The following DGKI variants were observed in gnomAD, a reference collection of about 807,000 sequenced individuals.
DGKI encodes diacylglycerol kinase iota, also known as DAG kinase iota.
DGKI carries 55 observed loss-of-function variants against 147.5 expected under a neutral mutation model. The ratio of observed to expected loss-of-function variants is 0.37; its 90% confidence interval spans 0.30 to 0.47. The LOEUF (loss-of-function observed/expected upper bound fraction) is 0.47. Among genes scored for constraint, DGKI ranks in the 20% least tolerant of loss-of-function variants. The probability of loss-of-function intolerance (pLI) is 1.00; values close to 1 mark genes in which losing one functional copy is unlikely to be tolerated. For missense variants in DGKI, 1,007 were observed against 1,323.8 expected (o/e 0.76, Z 3.71); for synonymous variants, 469 against 477.1 (o/e 0.98, Z 0.22).
At chr7:137,561,381 G>C (rs986287017) in intron 19 of DGKI, among the ~76,000 whole-genome samples, 1 of 152,084 alleles carries the variant, frequency 6.6e-6, no homozygotes, top group African/African-American at 2.4e-5. Context: ...TCTCACAGAA[G>C]TAAAAAGTAG....
At chr7:137,823,980 C>T (rs959368277) in intron 1 of DGKI, among the ~76,000 whole-genome samples, 15 of 151,988 alleles carry the variant, frequency 9.9e-5, no homozygotes, top group Non-Finnish European at 2.1e-4. Flanking sequence ...ATAATATAAG[C>T]ATTTATTAAT....
intron 23 of DGKI, 88 bp downstream of exon 23, chr7:137,485,286 G>A: frequency 1.0e-6 from 1 of 992,236 alleles, no homozygotes; most frequent in East Asian, 2.5e-5. Context: ...GGGAAGATGT[G>A]AACTCTAAAT....
chr7:137,622,224 T>C (rs999331215), intron 7 of DGKI, among the ~76,000 whole-genome samples: 7 of 152,310 alleles, frequency 4.6e-5, no homozygotes, highest in Middle Eastern at 3.4e-3. Flanking sequence ...TTGAACTATA[T>C]GGAACTGCCA....
At chr7:137,814,161 G>A (rs1797669645) in intron 1 of DGKI, among the ~76,000 whole-genome samples, 1 of 152,088 alleles carries the variant, frequency 6.6e-6, no homozygotes, top group African/African-American at 2.4e-5. Flanking sequence ...GGAATGGGAG[G>A]AGGAAGCCAC....
intron 3 of DGKI, among the ~76,000 whole-genome samples, chr7:137,669,829 C>A (rs1279010799): frequency 6.6e-6 from 1 of 152,152 alleles, no homozygotes; most frequent in Non-Finnish European, 1.5e-5. Context: ...AACAACCCAA[C>A]CCAATGTGAC....
chr7:137,475,306 T>C (rs1815132015), intron 23 of DGKI, among the ~76,000 whole-genome samples: 3 of 152,186 alleles, frequency 2.0e-5, no homozygotes, highest in African/African-American at 7.2e-5. Flanking sequence ...GTTGGTTTGG[T>C]GCTTATAGGG....
chr7:137,548,703 C>G (rs1817946654), intron 20 of DGKI, among the ~76,000 whole-genome samples: 1 of 152,202 alleles, frequency 6.6e-6, no homozygotes, highest in Non-Finnish European at 1.5e-5. Context: ...CACAGTGACT[C>G]ACGCCTGTAA....
At chr7:137,397,297 A>G (rs1028149498) in intron 31 of DGKI, 80 bp downstream of exon 31, 2 of 1,345,996 alleles carry the variant, frequency 1.5e-6, no homozygotes, top group African/African-American at 2.9e-5. Context: ...TACCTATGAT[A>G]TGCTCTATAG....
chr7:137,540,866 A>G (rs896466404), intron 20 of DGKI, among the ~76,000 whole-genome samples: 1 of 151,212 alleles, frequency 6.6e-6, no homozygotes, highest in East Asian at 1.9e-4. Context: ...TATGCAAAAA[A>G]CTACCAAGAA....
intron 30 of DGKI, among the ~76,000 whole-genome samples, chr7:137,404,040 G>A (rs1811854408): frequency 6.6e-6 from 1 of 152,118 alleles, no homozygotes; most frequent in Admixed American, 6.5e-5. Context: ...TAAGTTAGGA[G>A]AGAGTATTTC....
intron 12 of DGKI, among the ~76,000 whole-genome samples, chr7:137,597,097 C>A (rs973328659): frequency 1.3e-5 from 2 of 152,138 alleles, no homozygotes; most frequent in African/African-American, 4.8e-5. Flanking sequence ...ATGATATTAA[C>A]CTTCAGCCCA....
chr7:137,422,900 A>T (rs1563009140), intron 28 of DGKI, among the ~76,000 whole-genome samples: 1 of 151,880 alleles, frequency 6.6e-6, no homozygotes, highest in Non-Finnish European at 1.5e-5. Context: ...CACCGCGCCC[A>T]CCCTTGTAAA....
chr7:137,822,079 G>C (rs1797921397), intron 1 of DGKI, among the ~76,000 whole-genome samples: 1 of 152,216 alleles, frequency 6.6e-6, no homozygotes, highest in African/African-American at 2.4e-5. Context: ...AAAGCAGAGA[G>C]AGCAAATGAA....
At chr7:137,576,196 C>T (rs1211758819) in intron 17 of DGKI, among the ~76,000 whole-genome samples, 2 of 151,914 alleles carry the variant, frequency 1.3e-5, no homozygotes, top group Admixed American at 6.6e-5. Context: ...TGCCACCACG[C>T]CTGCCTAATT....
chr7:137,534,039 G>GT (rs1214813066), intron 20 of DGKI, among the ~76,000 whole-genome samples: 1 of 152,166 alleles, frequency 6.6e-6, no homozygotes, highest in Middle Eastern at 3.4e-3. Context: ...TGTTATGAGA[G>GT]ACCAGCAAAA....
chr7:137,553,770 C>T (rs1302287853), intron 19 of DGKI, among the ~76,000 whole-genome samples: 3 of 152,072 alleles, frequency 2.0e-5, no homozygotes, highest in African/African-American at 4.8e-5. Context: ...ACACACCTCC[C>T]GCCAACTGAC....
At chr7:137,554,528 A>C (rs1247572057) in intron 19 of DGKI, among the ~76,000 whole-genome samples, 1 of 152,152 alleles carries the variant, frequency 6.6e-6, no homozygotes, top group Non-Finnish European at 1.5e-5. Flanking sequence ...TTGACCCAAG[A>C]CCATAGCTCT....
chr7:137,805,263 T>A (rs1248813422), intron 1 of DGKI, among the ~76,000 whole-genome samples: 2 of 152,244 alleles, frequency 1.3e-5, no homozygotes, highest in Admixed American at 1.3e-4. Context: ...TAGAGCTGAC[T>A]CACATTAGTC....
chr7:137,553,693 A>G (rs1818128211), intron 19 of DGKI, among the ~76,000 whole-genome samples: 1 of 152,220 alleles, frequency 6.6e-6, no homozygotes. Flanking sequence ...GTGAACCTCC[A>G]TCGAGACCAA....
Sources: gnomAD v4.1 joint callset for allele counts (sites outside exome capture counted in the v4.1 genomes callset) on GRCh38, gnomAD v4.1.1 for gene constraint, MANE v1.5 for transcripts, NCBI Gene and HGNC (gene_info 2026-07-23, HGNC 2026-07-21) for gene names.